MAF: variants seen among roughly 807,000 people sequenced by gnomAD.
MAF encodes the protein transcription factor Maf.
A neutral mutation model predicts 22.0 loss-of-function variants in MAF; 10 were observed. That is an observed-to-expected ratio of 0.45 (90% CI 0.28 to 0.77). The LOEUF (loss-of-function observed/expected upper bound fraction) is 0.77, where lower values mean the gene tolerates loss of function less well. MAF is among the 30% of genes least tolerant of loss of function. The pLI is 0.12. For missense variants in MAF, 544 were observed against 548.4 expected, an observed-to-expected ratio of 0.99 and a Z score of 0.08; for synonymous variants, 337 against 255.8, an observed-to-expected ratio of 1.32 and a Z score of -3.03.
the MAF span, among the ~76,000 whole-genome samples, chr16:79,361,719 G>A: frequency 2.0e-5 from 1 of 50,538 alleles, no homozygotes; most frequent in Non-Finnish European, 8.1e-5. Context: ...CAGATTTGGT[G>A]GTCTTTCATC....
At chr16:79,492,256 A>T in the MAF span, among the ~76,000 whole-genome samples, 288 of 152,282 alleles carry the variant, frequency 1.9e-3, no homozygotes, top group African/African-American at 6.4e-3. Flanking sequence ...TGGGGCTGGG[A>T]TTAGGGTGAG....
At chr16:79,297,878 G>T in the MAF span, among the ~76,000 whole-genome samples, 26 of 152,192 alleles carry the variant, frequency 1.7e-4, no homozygotes, top group Non-Finnish European at 3.5e-4. Flanking sequence ...CACCCAGGCT[G>T]CACACTTGAG....
chr16:79,498,641 C>G, the MAF span, among the ~76,000 whole-genome samples: 2 of 152,168 alleles, frequency 1.3e-5, no homozygotes, highest in African/African-American at 4.8e-5. Context: ...CATATAGGAA[C>G]AGAAACAGAG....
chr16:79,557,622 A>C, the MAF span, among the ~76,000 whole-genome samples: 1 of 152,074 alleles, frequency 6.6e-6, no homozygotes, highest in Non-Finnish European at 1.5e-5. Context: ...AATAGCAGCC[A>C]ACCCTCAGAG....
At chr16:79,363,926 C>T in the MAF span, among the ~76,000 whole-genome samples, 21 of 152,216 alleles carry the variant, frequency 1.4e-4, no homozygotes, top group African/African-American at 3.6e-4. Flanking sequence ...GTTGGAGGGA[C>T]GGTGGAGATG....
the MAF span, among the ~76,000 whole-genome samples, chr16:79,417,064 A>G: frequency 1.3e-5 from 2 of 152,360 alleles, no homozygotes; most frequent in South Asian, 4.1e-4. Flanking sequence ...CCGAACTCAC[A>G]GACGGAAAGG....
chr16:79,311,795 A>C, the MAF span, among the ~76,000 whole-genome samples: 22,360 of 152,194 alleles, frequency 0.15, 2,360 homozygotes, highest in East Asian at 0.42. Flanking sequence ...GCCACTGAGT[A>C]CTGCAACACC....
the MAF span, among the ~76,000 whole-genome samples, chr16:79,361,295 C>G: frequency 0.044 from 6,681 of 152,206 alleles, 470 homozygotes; most frequent in African/African-American, 0.15. Context: ...GGAGAGCACT[C>G]TGAGTCCCTC....
chr16:79,457,376 G>C, the MAF span, among the ~76,000 whole-genome samples: 1 of 141,136 alleles, frequency 7.1e-6, no homozygotes, highest in African/African-American at 2.5e-5. Flanking sequence ...CCTTAGAATT[G>C]AGTAGCACTT....
the MAF span, among the ~76,000 whole-genome samples, chr16:79,489,417 G>C: frequency 6.6e-6 from 1 of 152,180 alleles, no homozygotes; most frequent in East Asian, 1.9e-4. Context: ...CCCGTGATAA[G>C]AGTTGGGGAT....
chr16:79,547,572 G>T, the MAF span, among the ~76,000 whole-genome samples: 128 of 152,064 alleles, frequency 8.4e-4, no homozygotes, highest in African/African-American at 3.0e-3. Flanking sequence ...TAATCGTAAA[G>T]CAATTGCAAT....
At chr16:79,321,844 C>A in the MAF span, among the ~76,000 whole-genome samples, 1 of 151,672 alleles carries the variant, frequency 6.6e-6, no homozygotes, top group South Asian at 2.1e-4. Flanking sequence ...TGTGAACCAC[C>A]GTGCCCGGCT....
the MAF span, among the ~76,000 whole-genome samples, chr16:79,295,744 G>T: frequency 6.6e-6 from 1 of 152,230 alleles, no homozygotes; most frequent in South Asian, 2.1e-4. Context: ...CTTACTGGGG[G>T]CTTCCCTGTG....
At chr16:79,383,487 A>T in the MAF span, among the ~76,000 whole-genome samples, 1 of 152,198 alleles carries the variant, frequency 6.6e-6, no homozygotes, top group Non-Finnish European at 1.5e-5. Flanking sequence ...ATGGATTCTC[A>T]CCAAGTTGGT....
the MAF span, among the ~76,000 whole-genome samples, chr16:79,257,486 TA>T: frequency 6.6e-6 from 1 of 152,294 alleles, no homozygotes; most frequent in Non-Finnish European, 1.5e-5. Context: ...ATGTCTACCA[TA>T]AGAGGTTTTA....
At chr16:79,228,759 T>A in the MAF span, among the ~76,000 whole-genome samples, 1 of 151,698 alleles carries the variant, frequency 6.6e-6, no homozygotes, top group Non-Finnish European at 1.5e-5. Flanking sequence ...GGTAATTTGC[T>A]CAGGAAGACG....
the MAF span, among the ~76,000 whole-genome samples, chr16:79,269,547 T>C: frequency 6.6e-6 from 1 of 151,932 alleles, no homozygotes; most frequent in Non-Finnish European, 1.5e-5. Flanking sequence ...AAAATCTAAG[T>C]TGTGATTAAT....
chr16:79,349,519 G>C, the MAF span, among the ~76,000 whole-genome samples: 8 of 152,160 alleles, frequency 5.3e-5, no homozygotes, highest in African/African-American at 1.9e-4. Context: ...ACCCATTCGG[G>C]TTTCACTCTG....
intron 1 of MAF, chr16:79,596,413 C>T (rs1913527002): frequency 8.5e-6 from 9 of 1,056,424 alleles, no homozygotes; most frequent in Non-Finnish European, 1.0e-5. Context: ...GAAAAGGATG[C>T]ATTTTACACT....
Sources: gnomAD v4.1 joint callset for allele counts (sites outside exome capture counted in the v4.1 genomes callset) on GRCh38, gnomAD v4.1.1 for gene constraint, MANE v1.5 for transcripts, NCBI Gene and HGNC (gene_info 2026-07-23, HGNC 2026-07-21) for gene names.